EDN1: variants seen among roughly 807,000 people sequenced by gnomAD.
The protein encoded by EDN1 is endothelin 1, also known as endothelin-1.
A neutral mutation model predicts 21.7 loss-of-function variants in EDN1; 11 were observed. The observed-to-expected ratio is 0.51, with a 90% CI of 0.32 to 0.84. The LOEUF is 0.84. Among genes scored for constraint, EDN1 ranks in the 40% least tolerant of loss-of-function variants. EDN1 has a pLI of 0.03. For synonymous variants in EDN1, 85 were observed against 90.6 expected, an observed-to-expected ratio of 0.94 and a Z score of 0.35; for missense variants, 244 against 262.3, an observed-to-expected ratio of 0.93 and a Z score of 0.48.
chr6:12,249,313 G>A, the EDN1 span, among the ~76,000 whole-genome samples: 1 of 152,066 alleles, frequency 6.6e-6, no homozygotes, highest in South Asian at 2.1e-4. Flanking sequence ...AATACTATGG[G>A]ATTCCTCTCT....
chr6:12,236,171 C>T, the EDN1 span, among the ~76,000 whole-genome samples: 49 of 152,092 alleles, frequency 3.2e-4, no homozygotes, highest in Admixed American at 1.3e-3. Flanking sequence ...TCCTTGGTTG[C>T]GAATAAAAAG....
chr6:12,240,746 C>T, the EDN1 span, among the ~76,000 whole-genome samples: 1 of 152,166 alleles, frequency 6.6e-6, no homozygotes, highest in East Asian at 1.9e-4. Flanking sequence ...ACATAGCTGT[C>T]TTTCAATATC....
At chr6:12,259,259 C>G in the EDN1 span, among the ~76,000 whole-genome samples, 1 of 151,702 alleles carries the variant, frequency 6.6e-6, no homozygotes, top group East Asian at 1.9e-4. Flanking sequence ...ACAGATGACA[C>G]AAATATAATG....
chr6:12,248,153 G>T, the EDN1 span, among the ~76,000 whole-genome samples: 1 of 152,110 alleles, frequency 6.6e-6, no homozygotes. Context: ...GAAAGAAAAG[G>T]CAAAAGATTA....
At position 12,294,572 on chromosome 6, in the gene EDN1, G is replaced by T. The variant is rs561893303; in HGVS notation, c.533+168G>T. On this transcript the variant is annotated intron_variant, in intron 4 of 4. Transcript: ENST00000379375. ...ATCCTATAGATTAAAAGGAGCAAAA[G>T]AATCCCTCTTAAATATTTCCATGAA... Among the ~76,000 whole-genome samples, 110 of 152,300 alleles carry T rather than the reference G, an allele frequency of 7.2e-4. No individual in the cohort carries two copies. In the Middle Eastern group the frequency reaches 0.014, roughly 19 times the overall value.
At chr6:12,293,166 C>T (rs992575884) in intron 2 of EDN1, among the ~76,000 whole-genome samples, 9 of 152,138 alleles carry the variant, frequency 5.9e-5, no homozygotes, top group South Asian at 2.1e-4. Flanking sequence ...CATCATCTGT[C>T]GGAAGCAGTC....
At chr6:12,250,095 C>CT in the EDN1 span, among the ~76,000 whole-genome samples, 77 of 152,030 alleles carry the variant, frequency 5.1e-4, no homozygotes, top group African/African-American at 1.8e-3. Context: ...GCATTTTTGA[C>CT]TTTAAGAAAA....
At chr6:12,254,773 G>A in the EDN1 span, among the ~76,000 whole-genome samples, 1 of 152,050 alleles carries the variant, frequency 6.6e-6, no homozygotes, top group Non-Finnish European at 1.5e-5. Flanking sequence ...ATCAAGAGAA[G>A]TTGTATGCAC....
At chr6:12,282,149 C>G in the EDN1 span, among the ~76,000 whole-genome samples, 2 of 152,094 alleles carry the variant, frequency 1.3e-5, no homozygotes, top group Non-Finnish European at 2.9e-5. Context: ...TTTGTTGGAT[C>G]CAAGTCATAA....
chr6:12,284,748 G>GAAGAAAGA, the EDN1 span, among the ~76,000 whole-genome samples: 2,876 of 78,382 alleles, frequency 0.037, 98 homozygotes, highest in East Asian at 0.05. Context: ...AGGAAGGAAG[G>GAAGAAAGA]AAGAAAGAAA....
chr6:12,258,965 C>T, the EDN1 span, among the ~76,000 whole-genome samples: 28 of 152,218 alleles, frequency 1.8e-4, 1 homozygote, highest in Admixed American at 1.6e-3. Flanking sequence ...AAAAATTAAA[C>T]TACTAAAAAT....
chr6:12,292,470 A>G lies in EDN1; in HGVS notation c.194A>G (p.Tyr65Cys). ...CSSLMDKECV[Y>C]FCHLDIIWVN... The stretch of plus-strand genomic sequence containing the variant: ...TCCCTGATGGATAAAGAGTGTGTCT[A>G]CTTCTGCCACCTGGACATCATTTGG... Residue 65 changes from tyrosine to cysteine, a missense_variant, in exon 2 of 5, where the codon TAC (tyrosine) becomes TGC (cysteine). Transcript: ENST00000379375. 6.2e-7 allele frequency: 1 copy of G among 1,614,152 alleles called. No individual in the cohort carries two copies. Among genetic ancestry groups the G allele is most frequent in the Non-Finnish European group, 8.5e-7 (1 of 1,180,030 alleles).
chr6:12,246,185 G>A, the EDN1 span, among the ~76,000 whole-genome samples: 8 of 152,078 alleles, frequency 5.3e-5, no homozygotes, highest in Non-Finnish European at 1.0e-4. Context: ...TGTAGCACAC[G>A]ATTTAAATGG....
upstream of EDN1, among the ~76,000 whole-genome samples, chr6:12,289,427 C>T (rs114831334): frequency 6.6e-6 from 1 of 152,126 alleles, no homozygotes; most frequent in Non-Finnish European, 1.5e-5. Flanking sequence ...CCCTCCTCGG[C>T]CCCCAAGCCA....
rs1762817114 is a variant in EDN1, at chr6:12,296,072, C to T, written c.*5C>T. ...CACAACCGAGCACATTGGTGACAGA[C>T]CTTCGGGGCCTGTCTGAAGCCATAG... On this transcript the variant is annotated 3_prime_UTR_variant, in exon 5 of 5. Coordinates refer to ENST00000379375, the MANE Select transcript of EDN1 (RefSeq NM_001955.5). 5.0e-6 allele frequency: 8 copies of T among 1,613,006 alleles called. No individual in the cohort carries two copies. Among genetic ancestry groups the T allele is most frequent in the African/African-American group, 1.3e-5 (1 of 75,024 alleles).
chr6:12,243,012 T>A, the EDN1 span, among the ~76,000 whole-genome samples: 1 of 152,114 alleles, frequency 6.6e-6, no homozygotes, highest in Non-Finnish European at 1.5e-5. Context: ...CAACTCTCCT[T>A]GCAGTCAAAA....
chr6:12,292,266 G>C (rs1383213362), intron 1 of EDN1, 75 bp from the exon 2 acceptor site: 6 of 1,591,226 alleles, frequency 3.8e-6, no homozygotes, highest in African/African-American at 2.7e-5. Flanking sequence ...TGCTAGCTCT[G>C]ACTCTACTGT....
upstream of EDN1, among the ~76,000 whole-genome samples, chr6:12,288,163 G>A (rs901248464): frequency 6.6e-6 from 1 of 152,080 alleles, no homozygotes; most frequent in Admixed American, 6.5e-5. Flanking sequence ...GGGCATGGGC[G>A]GTGGTTTCCG....
intron 1 of EDN1, among the ~76,000 whole-genome samples, chr6:12,291,487 G>A (rs1762682096): frequency 6.6e-6 from 1 of 152,182 alleles, no homozygotes; most frequent in Non-Finnish European, 1.5e-5. Flanking sequence ...TCGTGACCCT[G>A]ACTAAAGAGA....
Sources: allele counts gnomAD v4.1 joint callset (sites outside exome capture counted in the v4.1 genomes callset), GRCh38; gene constraint gnomAD v4.1.1; transcripts MANE v1.5; gene names NCBI Gene and HGNC (gene_info 2026-07-23, HGNC 2026-07-21).